The following NAV3 variants were observed in gnomAD, a reference collection of about 807,000 sequenced individuals.
NAV3 encodes the protein neuron navigator 3.
In NAV3, 87 loss-of-function variants were observed where a neutral mutation model predicts 244.7. The ratio of observed to expected loss-of-function variants is 0.36; its 90% CI spans 0.30 to 0.42. NAV3 has a LOEUF of 0.42. NAV3 is among the 20% of genes least tolerant of loss of function. NAV3 has a pLI of 1.00. For missense variants in NAV3, 2,663 were observed against 2,893.3 expected (o/e 0.92, Z 1.83); for synonymous variants, 1,126 against 1,042.2 (o/e 1.08, Z -1.55).
chr12:77,795,948 A>G (rs1402037871), intron 2 of NAV3, among the ~76,000 whole-genome samples: 1 of 152,174 alleles, frequency 6.6e-6, no homozygotes, highest in Non-Finnish European at 1.5e-5. Context: ...CTCATTGACA[A>G]TCCACTCAGT....
At chr12:77,720,821 T>G (rs1004498677) in intron 2 of NAV3, among the ~76,000 whole-genome samples, 1 of 151,974 alleles carries the variant, frequency 6.6e-6, no homozygotes, top group African/African-American at 2.4e-5. Context: ...ACAAAGGGAG[T>G]GTGTCCATGT....
intron 5 of NAV3, among the ~76,000 whole-genome samples, chr12:77,978,796 C>A (rs1341529284): frequency 6.6e-6 from 1 of 151,612 alleles, no homozygotes; most frequent in East Asian, 1.9e-4. Flanking sequence ...TACTTCTGAC[C>A]ATCCCAAATG....
chr12:77,873,773 T>TATATATATATATATATATAA (rs762527287), intron 1 of NAV3, among the ~76,000 whole-genome samples: 59 of 128,602 alleles, frequency 4.6e-4, no homozygotes, highest in African/African-American at 1.4e-3. Flanking sequence ...TATATGTATA[T>TATATATATATATATATATAA]AACAGCATAT....
At chr12:77,579,334 T>A (rs1400565089) in intron 2 of NAV3, among the ~76,000 whole-genome samples, 2 of 152,214 alleles carry the variant, frequency 1.3e-5, no homozygotes, top group East Asian at 3.9e-4. Flanking sequence ...GAAGTGGTGG[T>A]GCCCATGACT....
At chr12:77,994,766 T>G (rs371675342) in intron 5 of NAV3, 37 bp from the exon 6 acceptor site, 6 of 1,523,588 alleles carry the variant, frequency 3.9e-6, no homozygotes, top group Non-Finnish European at 5.4e-6. Flanking sequence ...GTTCAAAGAA[T>G]CTCTTTAATT....
At chr12:78,178,560 C>T (rs184842666) in intron 28 of NAV3, among the ~76,000 whole-genome samples, 1 of 152,112 alleles carries the variant, frequency 6.6e-6, no homozygotes, top group Admixed American at 6.6e-5. Context: ...GACTACTGTA[C>T]AAGAACGAAC....
At chr12:78,134,302 T>C (rs1210765488) in intron 18 of NAV3, among the ~76,000 whole-genome samples, 2 of 152,190 alleles carry the variant, frequency 1.3e-5, no homozygotes, top group Admixed American at 1.3e-4. Context: ...GGTTCAACCC[T>C]TCATCTCTTA....
intron 12 of NAV3, among the ~76,000 whole-genome samples, chr12:78,093,835 T>G (rs991423374): frequency 2.0e-5 from 3 of 152,130 alleles, no homozygotes; most frequent in African/African-American, 7.2e-5. Context: ...TTTATTTACT[T>G]TTTTTTCTTT....
At chr12:77,907,522 C>G (rs1023131463) in intron 1 of NAV3, among the ~76,000 whole-genome samples, 24 of 152,062 alleles carry the variant, frequency 1.6e-4, no homozygotes, top group Non-Finnish European at 1.3e-4. Flanking sequence ...CTAGCTATCT[C>G]TATCACATGA....
chr12:77,780,681 T>C (rs1429091112), intron 2 of NAV3, among the ~76,000 whole-genome samples: 1 of 152,174 alleles, frequency 6.6e-6, no homozygotes, highest in Non-Finnish European at 1.5e-5. Flanking sequence ...TTATCTTTCC[T>C]GATGATTGCC....
chr12:77,767,053 A>G (rs775455765), intron 2 of NAV3, among the ~76,000 whole-genome samples: 4 of 152,122 alleles, frequency 2.6e-5, no homozygotes, highest in Non-Finnish European at 5.9e-5. Context: ...TGCCCAGCCA[A>G]GAATTTTTTT....
intron 2 of NAV3, among the ~76,000 whole-genome samples, chr12:77,689,807 T>C (rs939534273): frequency 2.0e-5 from 3 of 151,926 alleles, no homozygotes; most frequent in African/African-American, 7.2e-5. Context: ...ATAATGCATA[T>C]ATTTAGTACT....
In NAV3 at chr12:77,602,678, GT is replaced by G. The variant is rs548473561; in HGVS notation, c.72+30416del. 4.1e-3 allele frequency among the ~76,000 whole-genome samples: 623 copies of G among 152,028 alleles called. 6 individuals carry two copies. The highest frequency in any genetic ancestry group is 0.014 in the African/African-American group (590 of 41,506). On this transcript the variant is annotated intron_variant, in intron 2 of 8. Coordinates refer to the NAV3 transcript ENST00000550042. Reference sequence around the variant, plus strand: ...GAATGTGTTAGGATTCTCCTTCTAAGTTTTGGACCCGATTTCACTACTCTAC... The same window carrying G: ...GAATGTGTTAGGATTCTCCTTCTAAGTTTGGACCCGATTTCACTACTCTAC...
chr12:77,986,204 A>T (rs73346641), intron 5 of NAV3, among the ~76,000 whole-genome samples: 45,628 of 151,932 alleles, frequency 0.3, 7,035 homozygotes, highest in African/African-American at 0.38. Flanking sequence ...TCTACTAAAA[A>T]TACAAAAGTC....
intron 2 of NAV3, among the ~76,000 whole-genome samples, chr12:77,679,091 A>G (rs772291410): frequency 7.2e-5 from 11 of 152,198 alleles, no homozygotes; most frequent in African/African-American, 1.9e-4. Context: ...TACATTAGTT[A>G]CTATGCAATG....
chr12:77,819,959 C>T (rs1040921178), intron 2 of NAV3, among the ~76,000 whole-genome samples: 3 of 152,026 alleles, frequency 2.0e-5, no homozygotes, highest in African/African-American at 7.2e-5. Context: ...TGAAAAGGAA[C>T]TCTTGAGACT....
intron 2 of NAV3, among the ~76,000 whole-genome samples, chr12:77,585,351 C>G (rs1321561975): frequency 1.3e-5 from 2 of 152,170 alleles, no homozygotes; most frequent in Non-Finnish European, 2.9e-5. Flanking sequence ...CTTTTCTACT[C>G]TCAAACACAG....
chr12:77,821,821 T>C, intron 2 of NAV3, among the ~76,000 whole-genome samples: 1 of 152,230 alleles, frequency 6.6e-6, no homozygotes, highest in East Asian at 1.9e-4. Flanking sequence ...CTTCATCTTT[T>C]TATAACACAG....
chr12:77,795,758 A>G lies in NAV3; in HGVS notation c.73-144561A>G, dbSNP rs796881775. ...AAGTTGAAGTCAATGCTCATTGACC[A>G]TTCTGAAGATCCTAACTCCCTTAAG... is the stretch of plus-strand genomic sequence containing the variant. On this transcript the variant is annotated intron_variant, in intron 2 of 8. Coordinates refer to the NAV3 transcript ENST00000550042. Among the ~76,000 whole-genome samples the G allele has an allele frequency of 2.0e-5, 3 of 152,324 alleles. No individual in the cohort carries two copies. In the East Asian group the frequency reaches 5.8e-4, roughly 29 times the overall value.
Sources: allele counts gnomAD v4.1 joint callset (sites outside exome capture counted in the v4.1 genomes callset), GRCh38; gene constraint gnomAD v4.1.1; transcripts MANE v1.5; gene names NCBI Gene and HGNC (gene_info 2026-07-23, HGNC 2026-07-21).